Variants in HMGB1 observed in about 807,000 individuals in gnomAD.
HMGB1 encodes the protein high mobility group protein B1.
For synonymous variants in HMGB1, 81 were observed against 84.0 expected, an observed-to-expected ratio of 0.96 and a Z score of 0.19; for missense variants, 79 against 253.5, an observed-to-expected ratio of 0.31 and a Z score of 4.67.
At chr13:30,463,743 T>A in intron 1 of HMGB1, 49 bp from the exon 2 acceptor site, 1 of 1,247,868 alleles carries the variant, frequency 8.0e-7, no homozygotes. Flanking sequence ...TTATGACATA[T>A]AAGACCTTAA....
In HMGB1 at chr13:30,579,837, CTG is replaced by C. The variant is rs551406633; in HGVS notation, c.-15+36832_-15+36833del. Among the ~76,000 whole-genome samples, 84 of 152,236 alleles carry C rather than the reference CTG, an allele frequency of 5.5e-4. No individual in the cohort carries two copies. The East Asian group carries it at 0.016, about 29-fold the overall frequency. ...TGCTTACATTGATAGTTGATACTAACTGGGGTTAAAAGGTCATTGCTGGCATC... is the reference window on the plus strand; with the variant it reads ...TGCTTACATTGATAGTTGATACTAACGGGTTAAAAGGTCATTGCTGGCATC... On this transcript the variant is annotated intron_variant, in intron 1 of 4. Coordinates refer to the HMGB1 transcript ENST00000405805.
intron 1 of HMGB1, among the ~76,000 whole-genome samples, chr13:30,531,109 A>G (rs1888483683): frequency 6.6e-6 from 1 of 152,220 alleles, no homozygotes; most frequent in African/African-American, 2.4e-5. Context: ...TGAAGACCAT[A>G]CACTGAACCA....
At chr13:30,538,667 T>TCTTTCTTTC (rs1491480602) in intron 1 of HMGB1, among the ~76,000 whole-genome samples, 2,299 of 17,720 alleles carry the variant, frequency 0.13, 195 homozygotes, top group African/African-American at 0.26. Context: ...TTCTTTCCTT[T>TCTTTCTTTC]CTTTCTTTCT....
At chr13:30,476,179 T>C (rs899299744) in intron 1 of HMGB1, among the ~76,000 whole-genome samples, 26 of 128,944 alleles carry the variant, frequency 2.0e-4, no homozygotes, top group African/African-American at 7.5e-4. Flanking sequence ...GTTTTTTTAT[T>C]TTGAGACAGA....
At chr13:30,598,178 A>T (rs978132045) in intron 1 of HMGB1, among the ~76,000 whole-genome samples, 1 of 152,214 alleles carries the variant, frequency 6.6e-6, no homozygotes, top group African/African-American at 2.4e-5. Context: ...TCTAATAGAC[A>T]CATACCCCAA....
chr13:30,611,258 T>G (rs1950510301), intron 1 of HMGB1, among the ~76,000 whole-genome samples: 1 of 152,208 alleles, frequency 6.6e-6, no homozygotes, highest in Admixed American at 6.5e-5. Context: ...TGGTGCGATC[T>G]TGGATCTGAG....
intron 1 of HMGB1, among the ~76,000 whole-genome samples, chr13:30,547,475 T>C (rs1166637666): frequency 6.6e-6 from 1 of 152,192 alleles, no homozygotes; most frequent in African/African-American, 2.4e-5. Flanking sequence ...GCCCATTCCA[T>C]AGATGCTAAA....
At chr13:30,608,427 C>T (rs1029918514) in intron 1 of HMGB1, among the ~76,000 whole-genome samples, 1 of 152,006 alleles carries the variant, frequency 6.6e-6, no homozygotes. Context: ...CCATTAATAC[C>T]TATTGAGTAC....
intron 1 of HMGB1, among the ~76,000 whole-genome samples, chr13:30,538,257 G>A (rs1340066631): frequency 6.6e-6 from 1 of 152,178 alleles, no homozygotes; most frequent in Admixed American, 6.5e-5. Flanking sequence ...GGAATACAAA[G>A]TAATTTTTAT....
intron 1 of HMGB1, among the ~76,000 whole-genome samples, chr13:30,492,976 C>T (rs73167326): frequency 0.024 from 2,835 of 118,696 alleles, 48 homozygotes; most frequent in Middle Eastern, 0.11. Context: ...GGCCAGGTGA[C>T]GAAGTGAGAC....
At chr13:30,568,407 T>G (rs2137531774) in intron 1 of HMGB1, among the ~76,000 whole-genome samples, 1 of 152,240 alleles carries the variant, frequency 6.6e-6, no homozygotes, top group East Asian at 1.9e-4. Flanking sequence ...CTTGAGAGGC[T>G]GAGGCAGAAG....
chr13:30,532,204 G>A (rs1305473846), intron 1 of HMGB1, among the ~76,000 whole-genome samples: 1 of 151,682 alleles, frequency 6.6e-6, no homozygotes, highest in African/African-American at 2.4e-5. Context: ...GCATGGTGGT[G>A]TGCACCTGTA....
chr13:30,510,805 C>T (rs1887975446), intron 1 of HMGB1, among the ~76,000 whole-genome samples: 1 of 152,184 alleles, frequency 6.6e-6, no homozygotes, highest in African/African-American at 2.4e-5. Flanking sequence ...ATAGTAAGTG[C>T]TTAATAAACG....
At chr13:30,600,537 T>C (rs185685105) in intron 1 of HMGB1, among the ~76,000 whole-genome samples, 98 of 152,278 alleles carry the variant, frequency 6.4e-4, no homozygotes, top group Non-Finnish European at 1.2e-4. Flanking sequence ...ATTTTAGAAA[T>C]CATCTCAATT....
At chr13:30,503,647 C>CTTTTTTTTTTTTTTTTTTTTTTT (rs10590461) in intron 1 of HMGB1, among the ~76,000 whole-genome samples, 1 of 106,438 alleles carries the variant, frequency 9.4e-6, no homozygotes. Context: ...TACTCAGCTT[C>CTTTTTTTTTTTTTTTTTTTTTTT]TTTTTTTTTT....
chr13:30,604,804 C>A (rs1422461329), intron 1 of HMGB1, among the ~76,000 whole-genome samples: 1 of 152,068 alleles, frequency 6.6e-6, no homozygotes, highest in African/African-American at 2.4e-5. Flanking sequence ...ACTACGGGCG[C>A]GTGCCACCAC....
intron 1 of HMGB1, among the ~76,000 whole-genome samples, chr13:30,566,938 AT>A (rs1226899356): frequency 6.6e-6 from 1 of 152,230 alleles, no homozygotes; most frequent in Non-Finnish European, 1.5e-5. Context: ...AATGTGGAGG[AT>A]ATCTTGGTTT....
At chr13:30,549,133 C>T (rs1017954963) in intron 1 of HMGB1, among the ~76,000 whole-genome samples, 2 of 151,898 alleles carry the variant, frequency 1.3e-5, no homozygotes, top group African/African-American at 4.8e-5. Context: ...CCCATCTCTA[C>T]AAAAAATAAG....
intron 1 of HMGB1, among the ~76,000 whole-genome samples, chr13:30,478,678 C>T (rs1484864175): frequency 6.6e-6 from 1 of 151,876 alleles, no homozygotes; most frequent in Non-Finnish European, 1.5e-5. Flanking sequence ...TTTTTCTTTT[C>T]TTTTTTGAGA....
Sources: gnomAD v4.1 joint callset for allele counts (sites outside exome capture counted in the v4.1 genomes callset) on GRCh38, gnomAD v4.1.1 for gene constraint, MANE v1.5 for transcripts, NCBI Gene and HGNC (gene_info 2026-07-23, HGNC 2026-07-21) for gene names.